OSBPL8: variants seen among roughly 807,000 people sequenced by gnomAD.
The protein encoded by OSBPL8 is oxysterol-binding protein-related protein 8.
In OSBPL8, 59 loss-of-function variants were observed where a neutral mutation model predicts 125.5. The observed-to-expected ratio is 0.47, with a 90% CI of 0.38 to 0.58. OSBPL8 has a LOEUF of 0.58. OSBPL8 is among the 20% of genes least tolerant of loss of function. The pLI is 0.00. For missense variants in OSBPL8, 758 were observed against 1,047.8 expected (o/e 0.72, Z 3.82); for synonymous variants, 330 against 338.9 (o/e 0.97, Z 0.29).
chr12:76,406,181 T>G (rs1358177282), intron 5 of OSBPL8, among the ~76,000 whole-genome samples: 2 of 152,166 alleles, frequency 1.3e-5, no homozygotes. Flanking sequence ...ATTTAAATAA[T>G]GGGGCATTTA....
chr12:76,445,405 G>A (rs1014163900), intron 4 of OSBPL8, among the ~76,000 whole-genome samples: 2 of 152,084 alleles, frequency 1.3e-5, no homozygotes, highest in East Asian at 1.9e-4. Context: ...AAAAACATCT[G>A]CTCTTAGAAA....
intron 3 of OSBPL8, among the ~76,000 whole-genome samples, chr12:76,453,334 A>G (rs1435145364): frequency 6.6e-6 from 1 of 152,210 alleles, no homozygotes; most frequent in Non-Finnish European, 1.5e-5. Flanking sequence ...TTCAGTTACT[A>G]AATCCAAGAT....
chr12:76,442,887 C>G, intron 4 of OSBPL8, among the ~76,000 whole-genome samples: 1 of 152,164 alleles, frequency 6.6e-6, no homozygotes. Context: ...CCTGGGGAAT[C>G]TGGTACAGTA....
At chr12:76,419,994 T>C (rs765281193) in intron 4 of OSBPL8, among the ~76,000 whole-genome samples, 1 of 152,140 alleles carries the variant, frequency 6.6e-6, no homozygotes, top group Non-Finnish European at 1.5e-5. Flanking sequence ...TATCGCTGAA[T>C]AAATTAGCAT....
intron 1 of OSBPL8, among the ~76,000 whole-genome samples, chr12:76,504,362 T>G (rs1022340111): frequency 1.3e-5 from 2 of 152,346 alleles, no homozygotes; most frequent in Non-Finnish European, 2.9e-5. Context: ...TATCATTCAT[T>G]CTGTGCTCTC....
chr12:76,541,419 G>A (rs143635813), intron 1 of OSBPL8, among the ~76,000 whole-genome samples: 6,529 of 151,948 alleles, frequency 0.043, 502 homozygotes, highest in African/African-American at 0.15. Flanking sequence ...CAGAGGTTGC[G>A]GTGAGTCGAC....
At chr12:76,550,949 C>A (rs1950918826) in intron 1 of OSBPL8, among the ~76,000 whole-genome samples, 1 of 152,082 alleles carries the variant, frequency 6.6e-6, no homozygotes, top group Non-Finnish European at 1.5e-5. Context: ...TGGCACAAAC[C>A]TGTAGTCCTA....
At chr12:76,550,757 T>C (rs1052860597) in intron 1 of OSBPL8, among the ~76,000 whole-genome samples, 3 of 152,052 alleles carry the variant, frequency 2.0e-5, no homozygotes, top group Non-Finnish European at 4.4e-5. Flanking sequence ...AATCACAAGG[T>C]AATAAATGGA....
intron 17 of OSBPL8, among the ~76,000 whole-genome samples, chr12:76,374,798 G>A (rs146555182): frequency 0.011 from 1,628 of 152,176 alleles, 12 homozygotes; most frequent in Non-Finnish European, 0.018. Context: ...CCAAATTTTT[G>A]ACTCACAGAA....
chr12:76,504,753 A>G (rs1880248107), intron 1 of OSBPL8, among the ~76,000 whole-genome samples: 1 of 152,254 alleles, frequency 6.6e-6, no homozygotes, highest in African/African-American at 2.4e-5. Context: ...GGTTAGGAGT[A>G]TAAGTGGCTG....
At chr12:76,480,274 T>C (rs1212873303) in intron 2 of OSBPL8, among the ~76,000 whole-genome samples, 1 of 152,106 alleles carries the variant, frequency 6.6e-6, no homozygotes, top group Non-Finnish European at 1.5e-5. Flanking sequence ...AATGTATTTA[T>C]GATCAAAGTT....
At chr12:76,374,950 C>T (rs1208600766) in intron 17 of OSBPL8, among the ~76,000 whole-genome samples, 1 of 152,148 alleles carries the variant, frequency 6.6e-6, no homozygotes, top group African/African-American at 2.4e-5. Flanking sequence ...TTGGTAAAAA[C>T]AATCCTTTAA....
rs1952998156 is a variant in OSBPL8 at position 76,380,525 on chromosome 12, T to TC, written c.1631-1976dup. On this transcript the variant is annotated intron_variant, in intron 15 of 23. Coordinates refer to ENST00000261183, the MANE Select transcript of OSBPL8 (RefSeq NM_020841.5). The stretch of plus-strand genomic sequence containing the variant: ...AGACCAGCAACATAGTGAGACACTG[T>TC]CCCAAAAAAAAAAAAAAAAAAACCC... Among the ~76,000 whole-genome samples the TC allele has an allele frequency of 1.5e-3, 23 of 15,790 alleles. No individual in the cohort carries two copies. In the Admixed American group the frequency reaches 0.022, roughly 15 times the overall value. The allele number at this position is 15,790 out of a possible 152,430, so 10.4% of individuals were successfully genotyped here.
At chr12:76,451,044 T>A in intron 3 of OSBPL8, 56 bp from the exon 4 acceptor site, 2 of 1,544,834 alleles carry the variant, frequency 1.3e-6, no homozygotes, top group Non-Finnish European at 1.8e-6. Context: ...TACATAATAG[T>A]ATAGTTAATA....
At chr12:76,444,942 A>G (rs189434867) in intron 4 of OSBPL8, among the ~76,000 whole-genome samples, 4 of 152,332 alleles carry the variant, frequency 2.6e-5, no homozygotes, top group Non-Finnish European at 5.9e-5. Context: ...TTTAATAATA[A>G]AAAGTGGTAC....
intron 1 of OSBPL8, among the ~76,000 whole-genome samples, chr12:76,529,064 T>G (rs1288989939): frequency 1.3e-5 from 2 of 150,798 alleles, no homozygotes; most frequent in Non-Finnish European, 3.0e-5. Flanking sequence ...TTAGTTTTGT[T>G]TTGTTTTTTT....
chr12:76,433,775 C>T (rs1871129228), intron 4 of OSBPL8, among the ~76,000 whole-genome samples: 1 of 151,912 alleles, frequency 6.6e-6, no homozygotes. Context: ...GAGTTCAAGA[C>T]TAGCCTGACC....
chr12:76,542,120 A>C (rs1166915094), intron 1 of OSBPL8, among the ~76,000 whole-genome samples: 2 of 151,998 alleles, frequency 1.3e-5, no homozygotes, highest in Non-Finnish European at 2.9e-5. Context: ...GTGGTGAGCC[A>C]AGATCATGCC....
intron 1 of OSBPL8, among the ~76,000 whole-genome samples, chr12:76,495,161 A>G (rs1275158040): frequency 1.3e-5 from 2 of 152,238 alleles, no homozygotes; most frequent in African/African-American, 4.8e-5. Flanking sequence ...TAATTAAAAT[A>G]AAAAGGTCAT....
Sources: gnomAD v4.1 joint callset for allele counts (sites outside exome capture counted in the v4.1 genomes callset) on GRCh38, gnomAD v4.1.1 for gene constraint, MANE v1.5 for transcripts, NCBI Gene and HGNC (gene_info 2026-07-23, HGNC 2026-07-21) for gene names.